Variants in MGAT4C observed in about 807,000 individuals in gnomAD.
MGAT4C encodes the protein alpha-1,3-mannosyl-glycoprotein 4-beta-N-acetylglucosaminyltransferase C.
In MGAT4C, 19 loss-of-function variants were observed where a neutral mutation model predicts 40.1. The observed-to-expected ratio is 0.47, with a 90% confidence interval of 0.33 to 0.70. MGAT4C has a LOEUF of 0.70. Among genes scored for constraint, MGAT4C ranks in the 30% least tolerant of loss-of-function variants. MGAT4C has a pLI of 0.02. For synonymous variants in MGAT4C, 181 were observed against 187.1 expected (o/e 0.97, Z 0.27); for missense variants, 491 against 563.2 (o/e 0.87, Z 1.30).
chr12:86,569,811 G>T (rs1192043789), intron 2 of MGAT4C, among the ~76,000 whole-genome samples: 2 of 152,018 alleles, frequency 1.3e-5, no homozygotes, highest in African/African-American at 4.8e-5. Context: ...TCGATGAAGG[G>T]ATTACAAAAA....
intron 2 of MGAT4C, among the ~76,000 whole-genome samples, chr12:86,659,798 A>G (rs938745890): frequency 2.6e-5 from 4 of 152,056 alleles, no homozygotes; most frequent in Non-Finnish European, 4.4e-5. Flanking sequence ...GAACTTGCTG[A>G]AAATATGTCC....
At chr12:86,705,793 G>A (rs191815955) in intron 2 of MGAT4C, among the ~76,000 whole-genome samples, 40 of 152,170 alleles carry the variant, frequency 2.6e-4, no homozygotes, top group Non-Finnish European at 3.8e-4. Context: ...AATGGGGATC[G>A]GGAGTTTTTA....
At chr12:86,147,007 A>T (rs138638404) in intron 1 of MGAT4C, among the ~76,000 whole-genome samples, 143 of 152,314 alleles carry the variant, frequency 9.4e-4, no homozygotes, top group Non-Finnish European at 1.8e-3. Flanking sequence ...GACCATCTAA[A>T]CAACATTGGA....
intron 2 of MGAT4C, among the ~76,000 whole-genome samples, chr12:86,505,340 G>A (rs1006224548): frequency 7.9e-5 from 12 of 152,194 alleles, no homozygotes; most frequent in East Asian, 1.9e-4. Context: ...AGGAGATGAT[G>A]AATAAGGCTC....
chr12:86,309,933 G>A (rs868404638), intron 4 of MGAT4C, among the ~76,000 whole-genome samples: 84 of 152,188 alleles, frequency 5.5e-4, no homozygotes, highest in African/African-American at 1.8e-3. Context: ...ATAGGGAAGT[G>A]TATAATCTGT....
intron 4 of MGAT4C, among the ~76,000 whole-genome samples, chr12:86,324,391 T>C (rs1954472336): frequency 6.6e-6 from 1 of 151,916 alleles, no homozygotes. Context: ...TAATTCTTTT[T>C]GTGCATTTTG....
chr12:86,441,275 C>A (rs996770205), intron 2 of MGAT4C, among the ~76,000 whole-genome samples: 1 of 151,694 alleles, frequency 6.6e-6, no homozygotes, highest in African/African-American at 2.4e-5. Context: ...GATGCATAGA[C>A]CAATGCAACA....
chr12:86,620,524 G>T (rs1962601498), intron 2 of MGAT4C, among the ~76,000 whole-genome samples: 1 of 152,112 alleles, frequency 6.6e-6, no homozygotes, highest in Admixed American at 6.6e-5. Context: ...GTGTACACAT[G>T]GATATGGAAA....
intron 2 of MGAT4C, among the ~76,000 whole-genome samples, chr12:86,026,830 A>C (rs1175620470): frequency 2.0e-5 from 3 of 151,820 alleles, no homozygotes; most frequent in Non-Finnish European, 4.4e-5. Context: ...CAGCTCTTCC[A>C]ATCTGTGTGT....
intron 2 of MGAT4C, among the ~76,000 whole-genome samples, chr12:86,555,533 A>C (rs1417818874): frequency 6.6e-6 from 1 of 152,146 alleles, no homozygotes; most frequent in Admixed American, 6.5e-5. Flanking sequence ...CTGACGCACC[A>C]TAATCTAAGC....
At chr12:86,711,132 C>T (rs571194858) in intron 2 of MGAT4C, among the ~76,000 whole-genome samples, 2 of 151,720 alleles carry the variant, frequency 1.3e-5, no homozygotes, top group East Asian at 1.9e-4. Flanking sequence ...GAAATCACCA[C>T]GAAAGAACAT....
At chr12:86,514,350 C>G (rs945388116) in intron 2 of MGAT4C, among the ~76,000 whole-genome samples, 1 of 152,068 alleles carries the variant, frequency 6.6e-6, no homozygotes, top group African/African-American at 2.4e-5. Flanking sequence ...TTAAAAAATG[C>G]CATGAACTAC....
At chr12:86,191,983 C>T (rs1217552926) in intron 1 of MGAT4C, among the ~76,000 whole-genome samples, 2 of 149,640 alleles carry the variant, frequency 1.3e-5, no homozygotes, top group Admixed American at 1.3e-4. Context: ...TCTCAGCAAA[C>T]TATCCCAGGG....
At chr12:86,471,345 A>G (rs956115100) in intron 2 of MGAT4C, among the ~76,000 whole-genome samples, 2 of 152,056 alleles carry the variant, frequency 1.3e-5, no homozygotes, top group African/African-American at 2.4e-5. Flanking sequence ...CATAGAAGCC[A>G]CTAGGGGATA....
intron 1 of MGAT4C, among the ~76,000 whole-genome samples, chr12:86,146,759 T>A (rs1883568727): frequency 6.6e-6 from 1 of 152,074 alleles, no homozygotes; most frequent in African/African-American, 2.4e-5. Context: ...TTACCATCAT[T>A]GAGATTCAAA....
At chr12:86,294,049 T>A (rs1455180762) in intron 4 of MGAT4C, among the ~76,000 whole-genome samples, 1 of 152,116 alleles carries the variant, frequency 6.6e-6, no homozygotes, top group Non-Finnish European at 1.5e-5. Flanking sequence ...ACTCCACCAG[T>A]GCACACAAAG....
At chr12:86,773,884 A>G (rs1430337940) in intron 1 of MGAT4C, among the ~76,000 whole-genome samples, 2 of 150,812 alleles carry the variant, frequency 1.3e-5, no homozygotes, top group Non-Finnish European at 3.0e-5. Context: ...ATTATTTTAC[A>G]TTAATTTTAT....
At chr12:86,651,960 T>C (rs574886949) in intron 2 of MGAT4C, among the ~76,000 whole-genome samples, 1 of 152,022 alleles carries the variant, frequency 6.6e-6, no homozygotes, top group South Asian at 2.1e-4. Flanking sequence ...AATGACTGGG[T>C]GAAAACATCT....
At chr12:86,202,632 C>A (rs1345734374) in intron 1 of MGAT4C, among the ~76,000 whole-genome samples, 1 of 151,950 alleles carries the variant, frequency 6.6e-6, no homozygotes, top group Non-Finnish European at 1.5e-5. Context: ...ACACTCATTG[C>A]TATATTACTT....
Sources: gnomAD v4.1 joint callset for allele counts (sites outside exome capture counted in the v4.1 genomes callset) on GRCh38, gnomAD v4.1.1 for gene constraint, MANE v1.5 for transcripts, NCBI Gene and HGNC (gene_info 2026-07-23, HGNC 2026-07-21) for gene names.